SNAPC4: variants seen among roughly 807,000 people sequenced by gnomAD.
SNAPC4 encodes the protein small nuclear RNA activating complex polypeptide 4.
In SNAPC4, 127 loss-of-function variants were observed where a neutral mutation model predicts 151.3. The ratio of observed to expected loss-of-function variants is 0.84; its 90% CI spans 0.73 to 0.97. The LOEUF is 0.97. Among genes scored for constraint, SNAPC4 ranks in the 50% least tolerant of loss-of-function variants. SNAPC4 has a pLI of 0.00. For synonymous variants in SNAPC4, 1,002 were observed against 824.4 expected (o/e 1.22, Z -3.69); for missense variants, 2,186 against 1,935.0 (o/e 1.13, Z -2.43).
intron 13 of SNAPC4, 102 bp from the exon 14 acceptor site, chr9:136,384,916 G>A (rs112908234): frequency 9.9e-6 from 6 of 603,998 alleles, no homozygotes; most frequent in Admixed American, 6.4e-5. Context: ...CACTAAAGGC[G>A]CAAGCAACAA....
chr9:136,380,671 C>T lies in SNAPC4; in HGVS notation c.2499+69G>A, dbSNP rs3812569. On this transcript the variant is annotated intron_variant, in intron 20 of 23. Transcript: ENST00000684778. ...GCGGGTGGGGCGGGCAGCCAGCCTC[C>T]GTGGAAACCCACTCCAACGCCGGGG... 222 of 880,528 alleles carry T rather than the reference C, an allele frequency of 2.5e-4. 2 individuals carry two copies. In the East Asian group the frequency reaches 3.6e-3, roughly 14 times the overall value. The allele number at this position is 880,528 out of a possible 1,614,324, so 54.5% of individuals were successfully genotyped here.
rs1336952035 is a variant in SNAPC4 at position 136,390,860 on chromosome 9, G to A, written c.975+1082C>T. ...TATTTATTTTTTTTTTTTTTGAGACGGAGTCTTGCTGTCGCCCAGGCTGGA... is the reference window on the plus strand; with the variant it reads ...TATTTATTTTTTTTTTTTTTGAGACAGAGTCTTGCTGTCGCCCAGGCTGGA... On this transcript the variant is annotated intron_variant, in intron 10 of 23. Coordinates refer to ENST00000684778, the MANE Select transcript of SNAPC4 (RefSeq NM_003086.4). Among the ~76,000 whole-genome samples, 10 of 149,738 alleles carry A rather than the reference G, an allele frequency of 6.7e-5. No homozygotes were observed. In the South Asian group the frequency reaches 1.0e-3, roughly 16 times the overall value.
At chr9:136,399,364 A>G (rs1414618624) in intron 1 of SNAPC4, among the ~76,000 whole-genome samples, 1 of 152,136 alleles carries the variant, frequency 6.6e-6, no homozygotes, top group African/African-American at 2.4e-5. Flanking sequence ...TATGCCCGAA[A>G]TGCTTGTGAA....
chr9:136,396,400 T>C (rs1311477246), intron 3 of SNAPC4, among the ~76,000 whole-genome samples: 1 of 152,196 alleles, frequency 6.6e-6, no homozygotes, highest in East Asian at 1.9e-4. Flanking sequence ...AGTTGCCAGG[T>C]GCTGTTTGGG....
At position 136,378,893 on chromosome 9, in the gene SNAPC4, G is replaced by A. The variant is rs199589298; in HGVS notation, c.2934C>T (p.Asp978=). Residue 978 remains aspartate, a synonymous_variant, in exon 22 of 24, where the codon GAC becomes GAT. Coordinates refer to ENST00000684778, the MANE Select transcript of SNAPC4 (RefSeq NM_003086.4). ...SWQEAGTSAK[D]KRLSTMQALP... is the part of the protein sequence containing the mutation. The stretch of plus-strand genomic sequence containing the variant: ...GGGCTTGCATGGTGGAGAGTCTCTT[G>A]TCCTTGGCTGAAGTCCCAGCCTCCT... 8.7e-6 allele frequency: 14 copies of A among 1,611,418 alleles called. No homozygotes were observed. In the Admixed American group the frequency reaches 1.8e-4, roughly 21 times the overall value.
intron 1 of SNAPC4, among the ~76,000 whole-genome samples, chr9:136,399,281 A>G (rs1029388016): frequency 6.6e-6 from 1 of 152,144 alleles, no homozygotes; most frequent in African/African-American, 2.4e-5. Flanking sequence ...ACAAAACCAA[A>G]GCATCCACCC....
chr9:136,397,118 G>A, intron 2 of SNAPC4, 95 bp from the exon 3 acceptor site: 1 of 1,087,028 alleles, frequency 9.2e-7, no homozygotes, highest in South Asian at 1.2e-5. Context: ...ACCTGGGGTT[G>A]TGAGGTAGTG....
At position 136,377,625 on chromosome 9, in the gene SNAPC4, TCA is replaced by T. The variant is rs1588734899; in HGVS notation, c.4200_4201del (p.Ser1400ArgfsTer3). The T allele has an allele frequency of 1.3e-6, 2 of 1,572,918 alleles. No homozygotes were observed. Among genetic ancestry groups the T allele is most frequent in the Non-Finnish European group, 1.7e-6 (2 of 1,157,908 alleles). ...CAGCTCACTCAGGAGGTCTTCATCCTCACTCTCAGAGCCCACCCTCGAAGGTA... is the reference window on the plus strand; with the variant it reads ...CAGCTCACTCAGGAGGTCTTCATCCTCTCTCAGAGCCCACCCTCGAAGGTA... On this transcript the variant is annotated frameshift_variant, in exon 22 of 24. Coordinates refer to ENST00000684778, the MANE Select transcript of SNAPC4 (RefSeq NM_003086.4). LOFTEE classifies it high-confidence loss of function.
At position 136,378,793 on chromosome 9, in the gene SNAPC4, C is replaced by G. The variant is rs755156901; in HGVS notation, c.3034G>C (p.Gly1012Arg). Residue 1012 changes from glycine to arginine, a missense_variant, in exon 22 of 24, where the codon GGC (glycine) becomes CGC (arginine). Gly to Arg is a moderately radical substitution (Grantham distance 125). Coordinates refer to ENST00000684778, the MANE Select transcript of SNAPC4 (RefSeq NM_003086.4). Reference sequence around the variant, plus strand: ...TCGGGGCAGCTCACAGAGATCTGGCCGGGGCCCAGGGCAGGGGCTTGGGAA... The same window carrying G: ...TCGGGGCAGCTCACAGAGATCTGGCGGGGGCCCAGGGCAGGGGCTTGGGAA... ...AASQAPALGPGQISVSCPESG... is the reference protein window; with the variant it reads ...AASQAPALGPRQISVSCPESG... 7.0e-6 allele frequency: 11 copies of G among 1,566,866 alleles called. No individual in the cohort carries two copies. The highest frequency in any genetic ancestry group is 9.5e-6 in the Non-Finnish European group (11 of 1,155,856).
At chr9:136,394,397 G>C in intron 6 of SNAPC4, 67 bp from the exon 7 acceptor site, 1 of 1,407,990 alleles carries the variant, frequency 7.1e-7, no homozygotes. Context: ...CCCCACGGTT[G>C]GTGTGCACTT....
intron 16 of SNAPC4, 125 bp from the exon 17 acceptor site, chr9:136,382,461 G>A: frequency 2.5e-6 from 2 of 805,222 alleles, no homozygotes; most frequent in South Asian, 3.2e-5. Flanking sequence ...GTACAGCTCT[G>A]CTCTGCCTCA....
rs1833563399 is a variant in SNAPC4 at position 136,378,640 on chromosome 9, T to C, written c.3187A>G (p.Ile1063Val). ...CTGGTCGCCACATGTGGCCCTCCTA[T>C]GTGCGTCAGGCTGAGGGGCTGGACG... ...LPVQPLSLTHIGGPHVATSVP... is the reference protein window; with the variant it reads ...LPVQPLSLTHVGGPHVATSVP... Residue 1063 changes from isoleucine (I) to valine (V), a missense_variant, in exon 22 of 24, where the codon ATA (isoleucine) becomes GTA (valine). Ile to Val is a conservative substitution (Grantham distance 29). Transcript: ENST00000684778. The C allele has an allele frequency of 1.3e-6, 2 of 1,539,472 alleles. No homozygotes were observed. Among genetic ancestry groups the C allele is most frequent in the Middle Eastern group, 1.9e-4 (1 of 5,244 alleles).
intron 13 of SNAPC4, among the ~76,000 whole-genome samples, chr9:136,385,561 CCT>C (rs147800888): frequency 0.1 from 15,050 of 143,608 alleles, 938 homozygotes; most frequent in Admixed American, 0.19. Flanking sequence ...CACTCCCCCC[CCT>C]TTTGTTTTTT....
Position 136,382,154 on chromosome 9 carries a change from C to T in SNAPC4, c.2068-81G>A, listed in dbSNP as rs555229389. ...ACCCTGCCCAGTGGCCAGTGCTGCCCTCCACCCCCATCAGGGCATGATCGA... is the reference window on the plus strand; with the variant it reads ...ACCCTGCCCAGTGGCCAGTGCTGCCTTCCACCCCCATCAGGGCATGATCGA... On this transcript the variant is annotated intron_variant, in intron 17 of 23. Transcript: ENST00000684778. 9 of 1,576,588 alleles carry T rather than the reference C, an allele frequency of 5.7e-6. No homozygotes were observed. The East Asian group carries it at 1.2e-4, about 20-fold the overall frequency.
Position 136,387,539 on chromosome 9 carries a change from C to T in SNAPC4, c.1271G>A (p.Trp424Ter). The change falls in exon 13 of 24, where the codon TGG becomes TAG. Residue 424 changes from tryptophan (W) to a stop codon, truncating the protein, a stop_gained. Transcript: ENST00000684778. LOFTEE classifies it high-confidence loss of function. ...QAVAKYGEQD[W>*]FKIREEVPGR... ...TGGCACCTCTTCCCGGATTTTAAAC[C>T]AATCCTGCTCCCCGTATTTGGCAAC... 1 of 1,613,994 alleles carries T rather than the reference C, an allele frequency of 6.2e-7. No individual in the cohort carries two copies. Among genetic ancestry groups the T allele is most frequent in the Non-Finnish European group, 8.5e-7 (1 of 1,179,948 alleles).
intron 2 of SNAPC4, among the ~76,000 whole-genome samples, chr9:136,397,749 G>T (rs984669857): frequency 6.7e-6 from 1 of 148,938 alleles, no homozygotes; most frequent in Non-Finnish European, 1.5e-5. Context: ...TGGGGAGCAC[G>T]TGGGGAGGGG....
At chr9:136,381,228 A>G (rs1375850268) in intron 19 of SNAPC4, 94 bp downstream of exon 19, 1 of 985,524 alleles carries the variant, frequency 1.0e-6, no homozygotes, top group Non-Finnish European at 1.6e-6. Context: ...TTAGATAGCT[A>G]GACTTTAAGG....
chr9:136,390,756 C>A (rs967907623), intron 10 of SNAPC4, among the ~76,000 whole-genome samples: 5 of 151,392 alleles, frequency 3.3e-5, no homozygotes, highest in African/African-American at 4.9e-5. Context: ...AGAAAGCAGA[C>A]CCCGATTAAA....
rs1440727122 is a variant in SNAPC4, at chr9:136,383,215, G to T, written c.1954C>A (p.Pro652Thr). Residue 652 changes from proline to threonine, a missense_variant, in exon 16 of 24, where the codon CCG becomes ACG. Physicochemically the swap from Pro to Thr is conservative, Grantham distance 38. Coordinates refer to ENST00000684778, the MANE Select transcript of SNAPC4 (RefSeq NM_003086.4). This position sits in a 1 kb window ranked among gnomAD's most constrained non-coding sequence, Gnocchi z 4.2. ...AQASHSADTR[P>T]AGAEKQALEG... ...AGGGCCTGCTTCTCTGCGCCCGCCGGGCGAGTGTCTGCTGAGTGGGAGGCC... is the reference window on the plus strand; with the variant it reads ...AGGGCCTGCTTCTCTGCGCCCGCCGTGCGAGTGTCTGCTGAGTGGGAGGCC... 6.4e-7 allele frequency: 1 copy of T among 1,558,856 alleles called. No individual in the cohort carries two copies. Among genetic ancestry groups the T allele is most frequent in the Non-Finnish European group, 8.7e-7 (1 of 1,154,814 alleles).
Sources: allele counts gnomAD v4.1 joint callset (sites outside exome capture counted in the v4.1 genomes callset), GRCh38; gene constraint gnomAD v4.1.1; non-coding constraint Gnocchi (gnomAD v3.1); transcripts MANE v1.5; gene names NCBI Gene and HGNC (gene_info 2026-07-23, HGNC 2026-07-21).